MSRA: variants seen among roughly 807,000 people sequenced by gnomAD.
MSRA encodes the protein methionine sulfoxide reductase A.
MSRA carries 54 observed loss-of-function variants against 31.3 expected under a neutral mutation model. The observed-to-expected ratio is 1.73, with a 90% CI of 1.39 to 2.17. The LOEUF is 2.17. MSRA is among the 30% of genes most tolerant of loss of function. The pLI is 0.00. For missense variants in MSRA, 507 were observed against 300.9 expected, an observed-to-expected ratio of 1.69 and a Z score of -5.07; for synonymous variants, 169 against 116.5, an observed-to-expected ratio of 1.45 and a Z score of -2.90.
intron 2 of MSRA, among the ~76,000 whole-genome samples, chr8:10,235,805 T>G (rs1471537677): frequency 6.6e-6 from 1 of 152,108 alleles, no homozygotes; most frequent in African/African-American, 2.4e-5. Context: ...GCCAACCAAT[T>G]TTCTGAGGCC....
At chr8:10,113,289 CTTCTTTTT>C (rs1201342673) in intron 1 of MSRA, among the ~76,000 whole-genome samples, 9 of 50,886 alleles carry the variant, frequency 1.8e-4, no homozygotes, top group South Asian at 1.9e-3. Context: ...GAAGACAGGT[CTTCTTTTT>C]TTTTTTTTTT....
intron 1 of MSRA, among the ~76,000 whole-genome samples, chr8:10,119,902 C>T (rs1276331604): frequency 2.0e-5 from 3 of 152,144 alleles, no homozygotes; most frequent in Non-Finnish European, 4.4e-5. Context: ...TAAGAGAAAC[C>T]AACAAGAGCT....
At position 10,066,125 on chromosome 8, in the gene MSRA, C is replaced by T. The variant is rs1344725472; in HGVS notation, c.142+11467C>T. 5.3e-5 allele frequency among the ~76,000 whole-genome samples: 8 copies of T among 152,100 alleles called. No individual in the cohort carries two copies. The South Asian group carries it at 1.0e-3, about 20-fold the overall frequency. ...GCACCCTCCGTCTCCCGGATTCAAGCGATTCTCCATACCTCAGCCTCTTGA... is the reference window on the plus strand; with the variant it reads ...GCACCCTCCGTCTCCCGGATTCAAGTGATTCTCCATACCTCAGCCTCTTGA... On this transcript the variant is annotated intron_variant, in intron 1 of 5. Transcript: ENST00000317173.
chr8:10,247,458 A>AT (rs1263329109), intron 3 of MSRA, among the ~76,000 whole-genome samples: 1 of 152,136 alleles, frequency 6.6e-6, no homozygotes, highest in Non-Finnish European at 1.5e-5. Flanking sequence ...CCTCTGGTAT[A>AT]TTTTTAATTA....
At chr8:10,334,063 G>C (rs1017795821) in intron 5 of MSRA, among the ~76,000 whole-genome samples, 1 of 152,008 alleles carries the variant, frequency 6.6e-6, no homozygotes, top group African/African-American at 2.4e-5. Context: ...TTAAGTTCCC[G>C]TCCATTGGCT....
intron 3 of MSRA, among the ~76,000 whole-genome samples, chr8:10,279,033 G>T (rs1257643181): frequency 6.6e-6 from 1 of 152,112 alleles, no homozygotes; most frequent in Non-Finnish European, 1.5e-5. Flanking sequence ...TTTTTACAAA[G>T]GTCATTTAGG....
chr8:10,093,006 C>G (rs1027631422), intron 1 of MSRA, among the ~76,000 whole-genome samples: 1 of 152,114 alleles, frequency 6.6e-6, no homozygotes, highest in Non-Finnish European at 1.5e-5. Flanking sequence ...CATTCTAGCT[C>G]TCTTGGGGTT....
At chr8:10,380,757 CAT>C (rs1486168325) in intron 5 of MSRA, among the ~76,000 whole-genome samples, 9 of 151,858 alleles carry the variant, frequency 5.9e-5, no homozygotes, top group African/African-American at 2.2e-4. Context: ...TGCATGGACA[CAT>C]GGATGGCTGG....
chr8:10,242,449 C>T (rs142824457), intron 2 of MSRA, among the ~76,000 whole-genome samples: 1 of 152,206 alleles, frequency 6.6e-6, no homozygotes, highest in Non-Finnish European at 1.5e-5. Flanking sequence ...GTGTAGCACA[C>T]AGGGAGGCAT....
chr8:10,149,109 C>A (rs1374343547), intron 1 of MSRA, among the ~76,000 whole-genome samples: 1 of 144,700 alleles, frequency 6.9e-6, no homozygotes, highest in African/African-American at 2.5e-5. Flanking sequence ...GCACATGCCA[C>A]CACACCTGGC....
intron 1 of MSRA, among the ~76,000 whole-genome samples, chr8:10,148,995 C>T (rs565038517): frequency 8.4e-4 from 125 of 149,280 alleles, no homozygotes; most frequent in African/African-American, 2.7e-3. Flanking sequence ...GTCACTCTGT[C>T]GCCCAGGCTG....
At chr8:10,243,947 T>C (rs1237590069) in intron 2 of MSRA, among the ~76,000 whole-genome samples, 1 of 152,220 alleles carries the variant, frequency 6.6e-6, no homozygotes, top group Middle Eastern at 3.2e-3. Flanking sequence ...TTTTAGCAAA[T>C]AGAATATCTT....
intron 5 of MSRA, among the ~76,000 whole-genome samples, chr8:10,321,588 C>T (rs1802045469): frequency 6.6e-6 from 1 of 152,160 alleles, no homozygotes. Flanking sequence ...ATATGGGCTG[C>T]ATTTAGCAAC....
At chr8:10,231,755 T>G (rs1190331877) in intron 2 of MSRA, among the ~76,000 whole-genome samples, 1 of 151,952 alleles carries the variant, frequency 6.6e-6, no homozygotes, top group African/African-American at 2.4e-5. Context: ...ATACAAAAAT[T>G]AGCCGGGCGT....
At chr8:10,423,089 G>C (rs1156799221) in intron 5 of MSRA, among the ~76,000 whole-genome samples, 1 of 152,222 alleles carries the variant, frequency 6.6e-6, no homozygotes, top group Non-Finnish European at 1.5e-5. Context: ...GATGTGGGCA[G>C]TTGTCTCGGC....
At chr8:10,325,627 C>T (rs1157053217) in intron 5 of MSRA, among the ~76,000 whole-genome samples, 3 of 152,154 alleles carry the variant, frequency 2.0e-5, no homozygotes, top group Non-Finnish European at 2.9e-5. Context: ...ACAAACATTG[C>T]AAAATCAGCA....
intron 1 of MSRA, among the ~76,000 whole-genome samples, chr8:10,117,733 G>T (rs962477304): frequency 1.3e-5 from 2 of 152,120 alleles, no homozygotes; most frequent in African/African-American, 4.8e-5. Context: ...AGTATTACTT[G>T]CTAGTATTAA....
intron 4 of MSRA, among the ~76,000 whole-genome samples, chr8:10,302,342 A>G (rs937726942): frequency 3.3e-5 from 5 of 152,244 alleles, no homozygotes; most frequent in Admixed American, 3.3e-4. Flanking sequence ...CTGCTTTGCC[A>G]GTGTGATGAT....
chr8:10,259,783 C>T (rs10098383), intron 3 of MSRA, among the ~76,000 whole-genome samples: 25,786 of 152,160 alleles, frequency 0.17, 2,426 homozygotes, highest in East Asian at 0.35. Flanking sequence ...CCTCAGCTTC[C>T]CTGCACCTGG....
Sources: gnomAD v4.1 joint callset for allele counts (sites outside exome capture counted in the v4.1 genomes callset) on GRCh38, gnomAD v4.1.1 for gene constraint, MANE v1.5 for transcripts, NCBI Gene and HGNC (gene_info 2026-07-23, HGNC 2026-07-21) for gene names.